The following GRIK4 variants were observed in gnomAD, a reference collection of about 807,000 sequenced individuals.
GRIK4 encodes glutamate ionotropic receptor kainate type subunit 4.
In GRIK4, 40 loss-of-function variants were observed where a neutral mutation model predicts 104.9. The observed-to-expected ratio is 0.38, with a 90% CI of 0.30 to 0.50. The LOEUF (loss-of-function observed/expected upper bound fraction) is 0.50, where lower values mean the gene tolerates loss of function less well. Ranked by LOEUF, GRIK4 falls within the 20% of genes least tolerant of loss-of-function variation. The pLI, the probability that GRIK4 is intolerant of heterozygous loss-of-function variation, is 0.93. For missense variants in GRIK4, 1,047 were observed against 1,308.1 expected (o/e 0.80, Z 3.08); for synonymous variants, 485 against 524.9 (o/e 0.92, Z 1.04).
intron 19 of GRIK4, among the ~76,000 whole-genome samples, chr11:120,970,295 G>A (rs1294350096): frequency 2.0e-5 from 3 of 152,184 alleles, no homozygotes; most frequent in Non-Finnish European, 4.4e-5. Flanking sequence ...AGCCACACAG[G>A]AGTGGCCAGG....
In GRIK4 at chr11:120,836,826, A is replaced by G. The variant is rs753206074; in HGVS notation, c.726A>G (p.Thr242=). ...TTGGGATGGTGTCAGCCTATTACAC[A>G]TACATCTTCACTAATCTGGTAAGAT... The part of the protein sequence containing the change: ...AELGMVSAYY[T]YIFTNLEFSL... Residue 242 remains threonine (T), a synonymous_variant, in exon 8 of 21, where the codon ACA becomes ACG. Transcript: ENST00000527524. 5 of 1,598,086 alleles carry G rather than the reference A, an allele frequency of 3.1e-6. No homozygotes were observed. Among genetic ancestry groups the G allele is most frequent in the African/African-American group, 2.7e-5 (2 of 74,670 alleles).
intron 6 of GRIK4, among the ~76,000 whole-genome samples, chr11:120,827,987 A>G (rs1055512663): frequency 5.3e-5 from 8 of 152,300 alleles, no homozygotes; most frequent in African/African-American, 1.9e-4. Context: ...GAAGCTGCCA[A>G]GAGCTAGCCT....
intron 14 of GRIK4, among the ~76,000 whole-genome samples, chr11:120,948,872 G>A (rs1280090589): frequency 1.3e-5 from 2 of 152,130 alleles, no homozygotes; most frequent in Non-Finnish European, 2.9e-5. Context: ...ACCCCACGAG[G>A]TAGGTTTTAT....
chr11:120,930,005 G>GT (rs1555096699), intron 13 of GRIK4, among the ~76,000 whole-genome samples: 4 of 136,540 alleles, frequency 2.9e-5, no homozygotes, highest in African/African-American at 1.0e-4. Context: ...CCACGTTTGG[G>GT]GGGGGGGTCC....
intron 3 of GRIK4, among the ~76,000 whole-genome samples, chr11:120,684,919 G>A (rs1361411227): frequency 6.6e-6 from 1 of 152,094 alleles, no homozygotes; most frequent in South Asian, 2.1e-4. Context: ...CTGTGGTCTC[G>A]ATCTCCTGAC....
intron 1 of GRIK4, among the ~76,000 whole-genome samples, chr11:120,626,351 C>T (rs1591750187): frequency 6.6e-6 from 1 of 152,114 alleles, no homozygotes; most frequent in Admixed American, 6.5e-5. Flanking sequence ...GATTTAGATG[C>T]GACCTCAGAA....
At chr11:120,641,826 T>C (rs971268872) in intron 1 of GRIK4, among the ~76,000 whole-genome samples, 1 of 152,216 alleles carries the variant, frequency 6.6e-6, no homozygotes, top group African/African-American at 2.4e-5. Context: ...TTCCTGGGAA[T>C]GCAGCCCAGT....
Position 120,660,466 on chromosome 11 carries a change from G to C in GRIK4, c.82+66G>C, listed in dbSNP as rs1216286754. On this transcript the variant is annotated intron_variant, in intron 3 of 20. Coordinates refer to ENST00000527524, the MANE Select transcript of GRIK4 (RefSeq NM_014619.5). Reference sequence around the variant, plus strand: ...TCCCAGGTGTCCACAAGGGACATGAGAGTGCTGCACAGGACTTGGGGAAGC... The same window carrying C: ...TCCCAGGTGTCCACAAGGGACATGACAGTGCTGCACAGGACTTGGGGAAGC... 1.1e-5 allele frequency: 14 copies of C among 1,256,820 alleles called. No individual in the cohort carries two copies. The East Asian group carries it at 2.8e-4, about 25-fold the overall frequency. 77.9% of individuals were successfully genotyped at this position (1,256,820 alleles called of 1,614,324 possible). A position where few individuals can be genotyped will look rare whatever the true frequency, so the allele number is the denominator to read the frequency against.
At chr11:120,663,320 C>T (rs1949851129) in intron 3 of GRIK4, among the ~76,000 whole-genome samples, 1 of 152,146 alleles carries the variant, frequency 6.6e-6, no homozygotes, top group South Asian at 2.1e-4. Context: ...GAAACAGGGT[C>T]ACAGCAGGCA....
At chr11:120,974,366 G>A (rs1430402101) in intron 19 of GRIK4, among the ~76,000 whole-genome samples, 1 of 152,192 alleles carries the variant, frequency 6.6e-6, no homozygotes, top group East Asian at 1.9e-4. Context: ...GTGCCTAAAG[G>A]AAGGAGAGAA....
intron 8 of GRIK4, among the ~76,000 whole-genome samples, chr11:120,846,660 A>T (rs559601555): frequency 2.9e-4 from 44 of 152,256 alleles, no homozygotes; most frequent in African/African-American, 9.9e-4. Context: ...CAGCATTGGA[A>T]TTGGCGTCAG....
intron 3 of GRIK4, among the ~76,000 whole-genome samples, chr11:120,664,807 A>G (rs1215602701): frequency 6.6e-6 from 1 of 152,164 alleles, no homozygotes; most frequent in African/African-American, 2.4e-5. Flanking sequence ...TAGTTGAGAG[A>G]TGAGGAAACT....
chr11:120,558,288 A>G (rs961429075), intron 1 of GRIK4, among the ~76,000 whole-genome samples: 13 of 152,094 alleles, frequency 8.5e-5, no homozygotes, highest in Admixed American at 5.2e-4. Flanking sequence ...TCCTATATGA[A>G]GTAAGTTAAA....
At chr11:120,677,346 G>A (rs1043101681) in intron 3 of GRIK4, among the ~76,000 whole-genome samples, 3 of 152,068 alleles carry the variant, frequency 2.0e-5, no homozygotes, top group African/African-American at 7.2e-5. Context: ...ATAACATCCC[G>A]CCACAGTCCC....
chr11:120,740,347 C>A (rs141821815), intron 3 of GRIK4, among the ~76,000 whole-genome samples: 28 of 152,300 alleles, frequency 1.8e-4, no homozygotes, highest in African/African-American at 6.7e-4. Flanking sequence ...CAGCCTTTTG[C>A]GGTGGCAGTA....
intron 3 of GRIK4, among the ~76,000 whole-genome samples, chr11:120,671,498 A>G (rs369038032): frequency 9.4e-6 from 1 of 106,606 alleles, no homozygotes; most frequent in Non-Finnish European, 2.0e-5. Context: ...GCTTTTTTTC[A>G]TATGTTTGTT....
chr11:120,541,251 T>C (rs1376239402), intron 1 of GRIK4, among the ~76,000 whole-genome samples: 1 of 152,254 alleles, frequency 6.6e-6, no homozygotes, highest in African/African-American at 2.4e-5. Flanking sequence ...GCAGAGCTGA[T>C]TGACCCCTCC....
intron 4 of GRIK4, among the ~76,000 whole-genome samples, chr11:120,807,045 C>T (rs919303613): frequency 7.2e-5 from 11 of 152,148 alleles, no homozygotes; most frequent in Admixed American, 1.3e-4. Context: ...CCACCATTAT[C>T]GCCCCAGGAT....
intron 1 of GRIK4, among the ~76,000 whole-genome samples, chr11:120,602,318 T>G (rs547144775): frequency 5.9e-5 from 9 of 152,174 alleles, no homozygotes; most frequent in African/African-American, 2.2e-4. Flanking sequence ...CTCCATTTAG[T>G]GGACAAACAG....
Sources: allele counts gnomAD v4.1 joint callset (sites outside exome capture counted in the v4.1 genomes callset), GRCh38; gene constraint gnomAD v4.1.1; transcripts MANE v1.5; gene names NCBI Gene and HGNC (gene_info 2026-07-23, HGNC 2026-07-21).